The following TRAFD1 variants were observed in gnomAD, a reference collection of about 807,000 sequenced individuals.
TRAFD1 encodes the protein TRAF-type zinc finger domain-containing protein 1.
Under a neutral mutation model 65.3 loss-of-function variants are expected in TRAFD1, and 38 were observed. The observed-to-expected ratio is 0.58, with a 90% CI of 0.45 to 0.76. The LOEUF is 0.76. Among genes scored for constraint, TRAFD1 ranks in the 30% least tolerant of loss-of-function variants. The pLI, the probability that TRAFD1 is intolerant of heterozygous loss-of-function variation, is 0.00. For synonymous variants in TRAFD1, 223 were observed against 257.2 expected (o/e 0.87, Z 1.27); for missense variants, 631 against 712.6 (o/e 0.89, Z 1.30).
At position 112,144,332 on chromosome 12, in the gene TRAFD1, C is replaced by T. The variant is rs368666357; in HGVS notation, c.851-1254C>T. On this transcript the variant is annotated intron_variant, in intron 6 of 11. Transcript: ENST00000412615. ...TTGCCCAGGCTGGAGTGCCATGGCG[C>T]GATCTTGGCTCATTGCAACCTCCGC... Among the ~76,000 whole-genome samples, 59 of 151,252 alleles carry T rather than the reference C, an allele frequency of 3.9e-4. No individual in the cohort carries two copies. In the East Asian group the frequency reaches 7.2e-3, roughly 19 times the overall value.
chr12:112,141,085 C>A lies in TRAFD1; in HGVS notation c.504C>A (p.Leu168=). The A allele has an allele frequency of 6.2e-7, 1 of 1,614,148 alleles. No individual in the cohort carries two copies. Among genetic ancestry groups the A allele is most frequent in the Non-Finnish European group, 8.5e-7 (1 of 1,180,018 alleles). ...GQDGIWIASQ[L]LRQIEALDPP... is the part of the protein sequence containing the mutation. ...ATGGAATCTGGATTGCATCCCAACT[C>A]CTCAGACAAATTGAGGCTCTGGACC... Residue 168 remains leucine (L), a synonymous_variant, in exon 5 of 12, where the codon CTC becomes CTA. Transcript: ENST00000412615.
intron 9 of TRAFD1, among the ~76,000 whole-genome samples, chr12:112,150,072 G>A (rs538536613): frequency 6.6e-6 from 1 of 152,344 alleles, no homozygotes; most frequent in East Asian, 1.9e-4. Context: ...GATTTTTAGG[G>A]TAATGGCTTT....
chr12:112,139,443 T>G (rs1050456649), intron 4 of TRAFD1, among the ~76,000 whole-genome samples: 8 of 152,086 alleles, frequency 5.3e-5, no homozygotes, highest in African/African-American at 1.7e-4. Flanking sequence ...AAGCTTTTTT[T>G]TTTTGTTTTC....
At chr12:112,146,032 G>C (rs575756465) in intron 7 of TRAFD1, among the ~76,000 whole-genome samples, 17 of 146,620 alleles carry the variant, frequency 1.2e-4, no homozygotes, top group Non-Finnish European at 2.4e-4. Flanking sequence ...GGTTGGGGGA[G>C]GGGGGAGGGA....
At chr12:112,140,503 A>G (rs866202377) in intron 4 of TRAFD1, among the ~76,000 whole-genome samples, 2 of 151,524 alleles carry the variant, frequency 1.3e-5, no homozygotes, top group African/African-American at 2.4e-5. Flanking sequence ...CTGACTTGCT[A>G]TGATTCTTGT....
Position 112,137,095 on chromosome 12 carries a change from C to T in TRAFD1, c.237+2029C>T, listed in dbSNP as rs529329890. ...AAAATTAGCTGGGCGTGGATACGCACGTCTGAAATCCCAGCTACTCAGAAG... is the reference window on the plus strand; with the variant it reads ...AAAATTAGCTGGGCGTGGATACGCATGTCTGAAATCCCAGCTACTCAGAAG... On this transcript the variant is annotated intron_variant, in intron 4 of 11. Coordinates refer to ENST00000412615, the MANE Select transcript of TRAFD1 (RefSeq NM_006700.3). The surrounding 1 kb of genome is among the most constrained non-coding windows in gnomAD (Gnocchi z 4.2). Among the ~76,000 whole-genome samples the T allele has an allele frequency of 2.2e-3, 341 of 152,134 alleles. 2 individuals are homozygous for T. The Middle Eastern group carries it at 0.037, about 17-fold the overall frequency.
chr12:112,150,859 A>C (rs547246996), intron 9 of TRAFD1, among the ~76,000 whole-genome samples: 1 of 149,816 alleles, frequency 6.7e-6, no homozygotes, highest in East Asian at 2.1e-4. Context: ...CATCACACCC[A>C]GCCTCAAACT....
intron 6 of TRAFD1, among the ~76,000 whole-genome samples, chr12:112,143,546 G>A (rs547501769): frequency 2.1e-4 from 32 of 151,772 alleles, no homozygotes; most frequent in African/African-American, 7.5e-4. Context: ...TTTCTTATCG[G>A]TCTTCTAGTT....
chr12:112,142,986 C>T (rs1438005022), intron 6 of TRAFD1, among the ~76,000 whole-genome samples: 6 of 150,648 alleles, frequency 4.0e-5, no homozygotes, highest in South Asian at 2.1e-4. Flanking sequence ...GGCACGATCT[C>T]GGCTCACTGC....
At chr12:112,133,765 C>T (rs1202647968) in intron 2 of TRAFD1, among the ~76,000 whole-genome samples, 1 of 149,900 alleles carries the variant, frequency 6.7e-6, no homozygotes, top group Admixed American at 6.7e-5. Context: ...AGTGCAGTGG[C>T]ATGATCTCAG....
intron 4 of TRAFD1, among the ~76,000 whole-genome samples, chr12:112,138,524 T>C (rs1409181668): frequency 6.6e-6 from 1 of 151,006 alleles, no homozygotes; most frequent in Non-Finnish European, 1.5e-5. Flanking sequence ...CACTCCAGCC[T>C]GGGCAACAGA....
Position 112,140,960 on chromosome 12 carries a change from G to T in TRAFD1, c.379G>T (p.Asp127Tyr). ...CTGTGGTCGCAATGTCCTTGTGAAA[G>T]ATCTGAAGACTCACCCTGAAGTTTG... ...GNCGRNVLVK[D>Y]LKTHPEVCGR... The change falls in exon 5 of 12, where the codon GAT becomes TAT. Residue 127 changes from aspartate (D) to tyrosine (Y), a missense_variant. By Grantham distance (160) the Asp-to-Tyr change is radical. Transcript: ENST00000412615. 1 of 1,614,192 alleles carries T rather than the reference G, an allele frequency of 6.2e-7. No homozygotes were observed.
Position 112,153,021 on chromosome 12 carries a change from C to T in TRAFD1, c.*230C>T, listed in dbSNP as rs12305571. 1,213 of 485,766 alleles carry T rather than the reference C, an allele frequency of 2.5e-3. 13 individuals carry two copies. The highest frequency in any genetic ancestry group is 0.021 in the African/African-American group (1,081 of 50,838). 30.1% of individuals were successfully genotyped at this position (485,766 alleles called of 1,614,324 possible). On this transcript the variant is annotated 3_prime_UTR_variant, in exon 12 of 12. Transcript: ENST00000412615. Reference sequence around the variant, plus strand: ...CGCTTCAGCCTTAGCTGCTACCTTTCGGCAGCAGTGAAATACAAGCTGCAG... The same window carrying T: ...CGCTTCAGCCTTAGCTGCTACCTTTTGGCAGCAGTGAAATACAAGCTGCAG...
rs149081968 is a variant in TRAFD1, at chr12:112,140,995, G to C, written c.414G>C (p.Glu138Asp). ...CTCACCCTGAAGTTTGTGGGAGAGA[G>C]GGGGAGGAAAAGAGAAATGAGGTTG... ...LKTHPEVCGR[E>D]GEEKRNEVAI... Residue 138 changes from glutamate (E) to aspartate (D), a missense_variant, in exon 5 of 12, where the codon GAG becomes GAC. Coordinates refer to ENST00000412615, the MANE Select transcript of TRAFD1 (RefSeq NM_006700.3). 11 of 1,614,058 alleles carry C rather than the reference G, an allele frequency of 6.8e-6. No homozygotes were observed. The African/African-American group carries it at 1.1e-4, about 16-fold the overall frequency.
chr12:112,146,207 A>AG (rs2030238717), intron 7 of TRAFD1, among the ~76,000 whole-genome samples: 1 of 148,784 alleles, frequency 6.7e-6, no homozygotes, highest in African/African-American at 2.5e-5. Context: ...AAAAAAAAAA[A>AG]CAATAGTGAA....
chr12:112,138,019 T>A (rs1367342222), intron 4 of TRAFD1, among the ~76,000 whole-genome samples: 1 of 152,068 alleles, frequency 6.6e-6, no homozygotes, highest in African/African-American at 2.4e-5. Context: ...GGCGAGAGCA[T>A]TGCTTAAACC....
At chr12:112,144,559 C>T (rs779786969) in intron 6 of TRAFD1, among the ~76,000 whole-genome samples, 1 of 152,196 alleles carries the variant, frequency 6.6e-6, no homozygotes, top group East Asian at 1.9e-4. Context: ...GTGTGAGACA[C>T]CATGCCCGGC....
rs2079561056 is a variant in TRAFD1 at position 112,130,238 on chromosome 12, C to T, written c.-12-273C>T. Reference sequence around the variant, plus strand: ...CCGCCTGCCTCGGCCTCCCAAAGTACTGAGATTACAGGCATGAGCCACTGT... The same window carrying T: ...CCGCCTGCCTCGGCCTCCCAAAGTATTGAGATTACAGGCATGAGCCACTGT... On this transcript the variant is annotated intron_variant, in intron 1 of 11. Coordinates refer to ENST00000412615, the MANE Select transcript of TRAFD1 (RefSeq NM_006700.3). This position sits in a 1 kb window ranked among gnomAD's most constrained non-coding sequence, Gnocchi z 4.4. 6.6e-6 allele frequency among the ~76,000 whole-genome samples: 1 copy of T among 151,880 alleles called. No homozygotes were observed. Among genetic ancestry groups the T allele is most frequent in the Non-Finnish European group, 1.5e-5 (1 of 67,996 alleles).
intron 7 of TRAFD1, among the ~76,000 whole-genome samples, chr12:112,146,515 A>C (rs1268165290): frequency 6.6e-6 from 1 of 152,214 alleles, no homozygotes; most frequent in East Asian, 1.9e-4. Context: ...ATTTTGATTT[A>C]TTGGAGCTGT....
Sources: gnomAD v4.1 joint callset for allele counts (sites outside exome capture counted in the v4.1 genomes callset) on GRCh38, gnomAD v4.1.1 for gene constraint, Gnocchi (gnomAD v3.1) non-coding constraint, MANE v1.5 for transcripts, NCBI Gene and HGNC (gene_info 2026-07-23, HGNC 2026-07-21) for gene names.